The following MKLN1 variants were observed in gnomAD, a reference collection of about 807,000 sequenced individuals.
The protein encoded by MKLN1 is muskelin.
MKLN1 carries 18 observed loss-of-function variants against 99.0 expected under a neutral mutation model. That is an observed-to-expected ratio of 0.18 (90% confidence interval 0.13 to 0.27). The LOEUF is 0.27. MKLN1 is among the 10% of genes least tolerant of loss of function. MKLN1 has a pLI of 1.00. For synonymous variants in MKLN1, 288 were observed against 293.2 expected, an observed-to-expected ratio of 0.98 and a Z score of 0.18; for missense variants, 621 against 875.9, an observed-to-expected ratio of 0.71 and a Z score of 3.67.
intron 3 of MKLN1, among the ~76,000 whole-genome samples, chr7:131,388,324 A>T (rs771453625): frequency 6.6e-6 from 1 of 152,172 alleles, no homozygotes; most frequent in Non-Finnish European, 1.5e-5. Context: ...CCCATAAATC[A>T]TTGTGTCAGT....
rs888862895 is a variant in MKLN1 at position 131,136,059 on chromosome 7, G to T, written c.-418-6761G>T. ...GCTGTTTATGAGTTCTGTTGTGCTTGCAATTTTATCTCCTCCTGGCCTCAG... is the reference window on the plus strand; with the variant it reads ...GCTGTTTATGAGTTCTGTTGTGCTTTCAATTTTATCTCCTCCTGGCCTCAG... On this transcript the variant is annotated intron_variant, in intron 1 of 7. Transcript: ENST00000416992. Among the ~76,000 whole-genome samples, 6 of 152,164 alleles carry T rather than the reference G, an allele frequency of 3.9e-5. No homozygotes were observed. The South Asian group carries it at 6.2e-4, about 16-fold the overall frequency.
intron 1 of MKLN1, among the ~76,000 whole-genome samples, chr7:131,116,902 A>G (rs1310547538): frequency 6.6e-6 from 1 of 152,130 alleles, no homozygotes; most frequent in Non-Finnish European, 1.5e-5. Flanking sequence ...TTATACTGTC[A>G]GTGGGAGTGA....
intron 2 of MKLN1, among the ~76,000 whole-genome samples, chr7:131,186,551 T>C (rs1796452955): frequency 6.6e-6 from 1 of 152,072 alleles, no homozygotes; most frequent in African/African-American, 2.4e-5. Flanking sequence ...CGCTGCTAGG[T>C]GTTGAGAGGT....
intron 3 of MKLN1, among the ~76,000 whole-genome samples, chr7:131,275,236 A>T (rs1034058298): frequency 6.6e-6 from 1 of 151,950 alleles, no homozygotes; most frequent in African/African-American, 2.4e-5. Flanking sequence ...GCATTGCAGA[A>T]AGACAGCAAG....
At chr7:131,359,138 A>G in intron 1 of MKLN1, among the ~76,000 whole-genome samples, 1 of 152,214 alleles carries the variant, frequency 6.6e-6, no homozygotes, top group East Asian at 1.9e-4. Context: ...TTGACTTAAT[A>G]AAATGCTTTC....
At chr7:131,210,918 G>A (rs1487201254) in intron 3 of MKLN1, among the ~76,000 whole-genome samples, 3 of 151,258 alleles carry the variant, frequency 2.0e-5, no homozygotes, top group Non-Finnish European at 2.9e-5. Flanking sequence ...AGTATACTGG[G>A]TTGGTGGGGA....
At position 131,133,832 on chromosome 7, in the gene MKLN1, T is replaced by TGG. The variant is rs1563226597; in HGVS notation, c.-418-8988_-418-8987insGG. ...TTTTTTTAATTTGGTTTTTTTTTTT[T>TGG]TTTTTTTTTTTTTTGAGACGAAGTT... On this transcript the variant is annotated intron_variant, in intron 1 of 7. Coordinates refer to the MKLN1 transcript ENST00000416992. Among the ~76,000 whole-genome samples, 140 of 133,672 alleles carry TGG rather than the reference T, an allele frequency of 1.0e-3. 4 individuals are homozygous for TGG. Among genetic ancestry groups the TGG allele is most frequent in the African/African-American group, 3.9e-3 (133 of 34,128 alleles). 87.7% of individuals were successfully genotyped at this position (133,672 alleles called of 152,430 possible). A position where few individuals can be genotyped will look rare whatever the true frequency, so the allele number is the denominator to read the frequency against.
In MKLN1 at chr7:131,186,798, A is replaced by G. The variant is rs1013790156; in HGVS notation, c.-296-16059A>G. ...GTCTGGTACCATATAAGCATTAGCT[A>G]TCTTAATTATGAGTTTAGTAGAATA... On this transcript the variant is annotated intron_variant, in intron 2 of 7. Transcript: ENST00000416992. 3.3e-5 allele frequency among the ~76,000 whole-genome samples: 5 copies of G among 152,334 alleles called. No individual in the cohort carries two copies. The East Asian group carries it at 7.7e-4, about 23-fold the overall frequency.
At chr7:131,314,624 G>A (rs866302258) in intron 3 of MKLN1, among the ~76,000 whole-genome samples, 5 of 151,954 alleles carry the variant, frequency 3.3e-5, no homozygotes, top group African/African-American at 7.2e-5. Context: ...GGGTTTCACC[G>A]TATTAGCCAG....
At chr7:131,337,725 A>G (rs1457271963) in intron 1 of MKLN1, among the ~76,000 whole-genome samples, 3 of 150,832 alleles carry the variant, frequency 2.0e-5, no homozygotes, top group African/African-American at 7.3e-5. Flanking sequence ...CCAAATAATA[A>G]TAATAGTTAA....
chr7:131,138,362 A>G (rs1007376131), intron 1 of MKLN1, among the ~76,000 whole-genome samples: 26 of 152,160 alleles, frequency 1.7e-4, no homozygotes, highest in African/African-American at 6.3e-4. Context: ...CGGTTTTTAA[A>G]TTTTTCATAA....
rs536108605 is a variant in MKLN1 at position 131,332,267 on chromosome 7, A to C, written c.98+4270A>C. Among the ~76,000 whole-genome samples, 61 of 150,328 alleles carry C rather than the reference A, an allele frequency of 4.1e-4. 1 individual carries two copies. The South Asian group carries it at 9.0e-3, about 22-fold the overall frequency. ...CCTGGGAAACATACCCCATCTCTAC[A>C]AAAGAAAAAAAATATATAAATATTT... On this transcript the variant is annotated intron_variant, in intron 1 of 17. Transcript: ENST00000352689.
chr7:131,132,212 T>C (rs1285902355), intron 1 of MKLN1, among the ~76,000 whole-genome samples: 1 of 152,204 alleles, frequency 6.6e-6, no homozygotes, highest in Non-Finnish European at 1.5e-5. Flanking sequence ...TAAAACACCA[T>C]GAGTCAGCAG....
At chr7:131,229,900 A>T (rs942829928) in intron 3 of MKLN1, among the ~76,000 whole-genome samples, 3 of 152,184 alleles carry the variant, frequency 2.0e-5, no homozygotes, top group African/African-American at 7.2e-5. Context: ...ATTAACAGAG[A>T]TTCTCTACAG....
chr7:131,120,584 T>G (rs1469538852), intron 1 of MKLN1, among the ~76,000 whole-genome samples: 1 of 149,050 alleles, frequency 6.7e-6, no homozygotes, highest in Non-Finnish European at 1.5e-5. Context: ...AAAAGAAAAT[T>G]TTTCTGCCAA....
intron 1 of MKLN1, among the ~76,000 whole-genome samples, chr7:131,367,799 G>A (rs1800225207): frequency 6.6e-6 from 1 of 152,112 alleles, no homozygotes; most frequent in South Asian, 2.1e-4. Context: ...GCCAAGATTA[G>A]CAGTCATTGA....
chr7:131,293,435 T>G (rs1563281871), intron 3 of MKLN1, among the ~76,000 whole-genome samples: 1 of 152,194 alleles, frequency 6.6e-6, no homozygotes, highest in African/African-American at 2.4e-5. Context: ...TTAGTTTAAA[T>G]GCAAACTGAT....
chr7:131,244,952 G>A (rs904322543), intron 3 of MKLN1, among the ~76,000 whole-genome samples: 26 of 152,110 alleles, frequency 1.7e-4, no homozygotes, highest in African/African-American at 2.4e-4. Context: ...TTGCAGCTCC[G>A]TTCTCATTTC....
At chr7:131,190,071 G>C (rs888031710) in intron 2 of MKLN1, among the ~76,000 whole-genome samples, 1 of 152,072 alleles carries the variant, frequency 6.6e-6, no homozygotes, top group African/African-American at 2.4e-5. Context: ...ACTTAGAAGA[G>C]TACACCTCAA....
Sources: allele counts gnomAD v4.1 joint callset (sites outside exome capture counted in the v4.1 genomes callset), GRCh38; gene constraint gnomAD v4.1.1; transcripts MANE v1.5; gene names NCBI Gene and HGNC (gene_info 2026-07-23, HGNC 2026-07-21).